PPP2R2A: variants seen among roughly 807,000 people sequenced by gnomAD.
PPP2R2A encodes serine/threonine-protein phosphatase 2A 55 kDa regulatory subunit B alpha isoform.
Under a neutral mutation model 53.2 loss-of-function variants are expected in PPP2R2A, and 9 were observed. That is an observed-to-expected ratio of 0.17 (90% confidence interval 0.10 to 0.30). The LOEUF is 0.30. Among genes scored for constraint, PPP2R2A ranks in the 10% least tolerant of loss-of-function variants. The pLI is 1.00. For missense variants in PPP2R2A, 235 were observed against 534.6 expected (o/e 0.44, Z 5.53); for synonymous variants, 169 against 174.2 (o/e 0.97, Z 0.23).
intron 2 of PPP2R2A, among the ~76,000 whole-genome samples, chr8:26,309,358 A>G (rs1325877838): frequency 6.6e-6 from 1 of 152,208 alleles, no homozygotes; most frequent in Non-Finnish European, 1.5e-5. Flanking sequence ...TGGGCTTAAA[A>G]TGTTTAGTAA....
rs1802817231 is a variant in PPP2R2A at position 26,321,100 on chromosome 8, G to A, written c.83-17790G>A. On this transcript the variant is annotated intron_variant, in intron 2 of 9. Coordinates refer to ENST00000380737, the MANE Select transcript of PPP2R2A (RefSeq NM_002717.4). This position sits in a 1 kb window ranked among gnomAD's most constrained non-coding sequence, Gnocchi z 4.1. ...TAACTAAACTAAAAAAATTTTAGCA[G>A]GAAACAGTACAAACAAGAAACATCG... 6.6e-6 allele frequency among the ~76,000 whole-genome samples: 1 copy of A among 152,126 alleles called. No homozygotes were observed. Among genetic ancestry groups the A allele is most frequent in the Non-Finnish European group, 1.5e-5 (1 of 68,028 alleles).
At position 26,372,218 on chromosome 8, in the gene PPP2R2A, CACTTTT is replaced by C. The variant is rs1436955774; in HGVS notation, c.*1809_*1814del. The stretch of plus-strand genomic sequence containing the variant: ...TTCTATGTCTGATAATTCTTAATGG[CACTTTT>C]ACTAATTTATTTGGGGATCTTGGGT... On this transcript the variant is annotated 3_prime_UTR_variant, in exon 10 of 10. Transcript: ENST00000380737. 6.6e-6 allele frequency: 1 copy of C among 152,106 alleles called. No individual in the cohort carries two copies. Among genetic ancestry groups the C allele is most frequent in the African/African-American group, 2.4e-5 (1 of 41,398 alleles). The allele number at this position is 152,106 out of a possible 1,614,324, so 9.4% of individuals were successfully genotyped here. A position where few individuals can be genotyped will look rare whatever the true frequency, so the allele number is the denominator to read the frequency against.
chr8:26,326,367 T>C (rs1355797552), intron 2 of PPP2R2A, among the ~76,000 whole-genome samples: 1 of 152,348 alleles, frequency 6.6e-6, no homozygotes, highest in South Asian at 2.1e-4. Flanking sequence ...AGTGGACTTC[T>C]TTTTGTCATT....
rs149030730 is a variant in PPP2R2A at position 26,362,560 on chromosome 8, A to T, written c.638-124A>T. ...CTTTGGAATTTATACTCATAAAAAC[A>T]GTGGAGTGCAATTCAGAATTAATAT... On this transcript the variant is annotated intron_variant, in intron 6 of 9. Coordinates refer to ENST00000380737, the MANE Select transcript of PPP2R2A (RefSeq NM_002717.4). The surrounding 1 kb of genome is among the most constrained non-coding windows in gnomAD (Gnocchi z 4.4). 3.5e-6 allele frequency: 3 copies of T among 846,390 alleles called. No individual in the cohort carries two copies. Among genetic ancestry groups the T allele is most frequent in the East Asian group, 5.4e-5 (2 of 37,376 alleles). The allele number at this position is 846,390 out of a possible 1,614,324, so 52.4% of individuals were successfully genotyped here.
Position 26,360,121 on chromosome 8 carries a change from G to T in PPP2R2A, c.347-48G>T. ...TAGCATATTTTAAATGCCTTAAAAT[G>T]TTTTTCTTCTTCAGTATTTTAAGGA... On this transcript the variant is annotated intron_variant, in intron 4 of 9. Coordinates refer to ENST00000380737, the MANE Select transcript of PPP2R2A (RefSeq NM_002717.4). The surrounding 1 kb of genome is among the most constrained non-coding windows in gnomAD (Gnocchi z 4.5). 1.6e-5 allele frequency: 16 copies of T among 1,003,686 alleles called. No individual in the cohort carries two copies. The highest frequency in any genetic ancestry group is 5.1e-5 in the East Asian group (2 of 39,292). The allele number at this position is 1,003,686 out of a possible 1,614,324, so 62.2% of individuals were successfully genotyped here.
chr8:26,360,799 A>G lies in PPP2R2A; in HGVS notation c.460-175A>G, dbSNP rs1238010309. The G allele has an allele frequency of 5.3e-6, 3 of 564,394 alleles. No individual in the cohort carries two copies. The highest frequency in any genetic ancestry group is 3.3e-5 in the East Asian group (1 of 30,274). 35.0% of individuals were successfully genotyped at this position (564,394 alleles called of 1,614,324 possible). A position where few individuals can be genotyped will look rare whatever the true frequency, so the allele number is the denominator to read the frequency against. On this transcript the variant is annotated intron_variant, in intron 5 of 9. Transcript: ENST00000380737. This position sits in a 1 kb window ranked among gnomAD's most constrained non-coding sequence, Gnocchi z 4.5. ...AGAAGATATATTATCCACATTGTTC[A>G]TTTTTTCTTCAGCACTCGAAAGGAT...
intron 2 of PPP2R2A, among the ~76,000 whole-genome samples, chr8:26,297,803 T>A (rs1801609324): frequency 6.6e-6 from 1 of 152,234 alleles, no homozygotes; most frequent in African/African-American, 2.4e-5. Flanking sequence ...ATATTATTGT[T>A]ACTTTGAAGG....
intron 2 of PPP2R2A, among the ~76,000 whole-genome samples, chr8:26,323,420 C>A (rs889585425): frequency 6.6e-6 from 1 of 152,180 alleles, no homozygotes; most frequent in African/African-American, 2.4e-5. Flanking sequence ...CATCATATTC[C>A]CCAGGTTGAG....
rs1214815706 is a variant in PPP2R2A, at chr8:26,371,240, G to T, written c.*827G>T. On this transcript the variant is annotated 3_prime_UTR_variant, in exon 10 of 10. Transcript: ENST00000380737. ...GTTTTCATTGTTTATTGGTATTTTT[G>T]TTAATTATTTTTAACAAGTGTTCTT... is the stretch of plus-strand genomic sequence containing the variant. 1 of 151,798 alleles carries T rather than the reference G, an allele frequency of 6.6e-6. No individual in the cohort carries two copies. Among genetic ancestry groups the T allele is most frequent in the Non-Finnish European group, 1.5e-5 (1 of 67,956 alleles). The allele number at this position is 151,798 out of a possible 1,614,324, so 9.4% of individuals were successfully genotyped here.
intron 2 of PPP2R2A, among the ~76,000 whole-genome samples, chr8:26,300,933 A>AT (rs1446183015): frequency 2.0e-5 from 3 of 152,256 alleles, no homozygotes; most frequent in Admixed American, 6.5e-5. Context: ...TAAGGAAGGC[A>AT]TGGCATGGCC....
intron 2 of PPP2R2A, among the ~76,000 whole-genome samples, chr8:26,307,865 G>A (rs1283581490): frequency 1.3e-5 from 2 of 152,168 alleles, no homozygotes; most frequent in African/African-American, 2.4e-5. Flanking sequence ...TTGGAAAATG[G>A]GGGAGTGAGG....
intron 4 of PPP2R2A, among the ~76,000 whole-genome samples, chr8:26,356,322 C>T (rs1029462355): frequency 2.0e-5 from 3 of 152,144 alleles, no homozygotes; most frequent in South Asian, 2.1e-4. Context: ...CAGCGTTGGC[C>T]GCCTCCTGGG....
rs1219744284 is a variant in PPP2R2A at position 26,370,755 on chromosome 8, C to G, written c.*342C>G. ...TGATGACGTCAAACACAGTGAAAGCCTTCAGTCATGCTATGGGATTTAATT... is the reference window on the plus strand; with the variant it reads ...TGATGACGTCAAACACAGTGAAAGCGTTCAGTCATGCTATGGGATTTAATT... On this transcript the variant is annotated 3_prime_UTR_variant, in exon 10 of 10. Coordinates refer to ENST00000380737, the MANE Select transcript of PPP2R2A (RefSeq NM_002717.4). This position sits in a 1 kb window ranked among gnomAD's most constrained non-coding sequence, Gnocchi z 6.1. 1.0e-5 allele frequency: 3 copies of G among 295,526 alleles called. No individual in the cohort carries two copies. The highest frequency in any genetic ancestry group is 6.4e-5 in the African/African-American group (3 of 46,672). 18.3% of individuals were successfully genotyped at this position (295,526 alleles called of 1,614,324 possible).
At position 26,370,708 on chromosome 8, in the gene PPP2R2A, C is replaced by T. The variant is rs1395944729; in HGVS notation, c.*295C>T. 7.7e-6 allele frequency: 3 copies of T among 387,518 alleles called. No individual in the cohort carries two copies. The highest frequency in any genetic ancestry group is 1.4e-5 in the Non-Finnish European group (3 of 208,674). The allele number at this position is 387,518 out of a possible 1,614,324, so 24.0% of individuals were successfully genotyped here. ...TGGACTGTATCAACATTGATTTACT[C>T]CACTTTTTATGCCTTCCATTGTGAT... On this transcript the variant is annotated 3_prime_UTR_variant, in exon 10 of 10. Transcript: ENST00000380737. This position sits in a 1 kb window ranked among gnomAD's most constrained non-coding sequence, Gnocchi z 6.1.
intron 2 of PPP2R2A, among the ~76,000 whole-genome samples, chr8:26,330,091 G>C (rs1384989100): frequency 1.3e-5 from 2 of 152,102 alleles, no homozygotes; most frequent in East Asian, 3.9e-4. Flanking sequence ...TTATCCCACA[G>C]GTCAGGTCTT....
intron 2 of PPP2R2A, among the ~76,000 whole-genome samples, chr8:26,318,144 T>C (rs1006074778): frequency 1.3e-5 from 2 of 152,198 alleles, no homozygotes; most frequent in African/African-American, 4.8e-5. Flanking sequence ...ATGGCCACTC[T>C]TAGGGACGAT....
intron 3 of PPP2R2A, among the ~76,000 whole-genome samples, chr8:26,347,917 CGAATGACTTGTATTTTGCTTTATTCTA>C (rs1804302619): frequency 6.6e-6 from 1 of 152,144 alleles, no homozygotes; most frequent in Non-Finnish European, 1.5e-5. Flanking sequence ...TTTATTTCAT[CGAATGACTTGTATTTTGCTTTATTCTA>C]GAAAGTTCCC....
rs1261458299 is a variant in PPP2R2A at position 26,331,180 on chromosome 8, A to AT, written c.83-7709dup. ...CTCTGGATTCTTCATAACTCTCACC[A>AT]TGCTGTCTTGGTGCTTCCAGTCAGT... On this transcript the variant is annotated intron_variant, in intron 2 of 9. Transcript: ENST00000380737. Among the ~76,000 whole-genome samples, 5 of 152,200 alleles carry AT rather than the reference A, an allele frequency of 3.3e-5. 1 individual carries two copies. The South Asian group carries it at 1.0e-3, about 32-fold the overall frequency.
At chr8:26,344,241 A>G (rs568195657) in intron 3 of PPP2R2A, among the ~76,000 whole-genome samples, 2 of 152,340 alleles carry the variant, frequency 1.3e-5, no homozygotes, top group South Asian at 2.1e-4. Context: ...TATGTTTACT[A>G]TATCTTGATG....
Sources: gnomAD v4.1 joint callset for allele counts (sites outside exome capture counted in the v4.1 genomes callset) on GRCh38, gnomAD v4.1.1 for gene constraint, Gnocchi (gnomAD v3.1) non-coding constraint, MANE v1.5 for transcripts, NCBI Gene and HGNC (gene_info 2026-07-23, HGNC 2026-07-21) for gene names.